Variants in EXD2 observed in about 807,000 individuals in gnomAD.
EXD2 encodes exonuclease 3'-5' domain-containing protein 2.
Under a neutral mutation model 62.5 loss-of-function variants are expected in EXD2, and 40 were observed. That is an observed-to-expected ratio of 0.64 (90% CI 0.50 to 0.83). The LOEUF is 0.83. Ranked by LOEUF, EXD2 falls within the 40% of genes least tolerant of loss-of-function variation. The probability of loss-of-function intolerance (pLI) is 0.00; values close to 1 mark genes in which losing one functional copy is unlikely to be tolerated. For synonymous variants in EXD2, 239 were observed against 291.9 expected (o/e 0.82, Z 1.85); for missense variants, 671 against 761.8 (o/e 0.88, Z 1.40).
At chr14:69,223,253 C>T (rs2043246678) in intron 3 of EXD2, among the ~76,000 whole-genome samples, 1 of 152,166 alleles carries the variant, frequency 6.6e-6, no homozygotes, top group African/African-American at 2.4e-5. Flanking sequence ...GAATGCCAGC[C>T]TTTCATATTC....
At chr14:69,214,927 A>G (rs909989496) in intron 3 of EXD2, among the ~76,000 whole-genome samples, 8 of 151,994 alleles carry the variant, frequency 5.3e-5, no homozygotes, top group African/African-American at 1.9e-4. Context: ...GTTCCATGGT[A>G]TAAATATACC....
rs1011594655 is a variant in EXD2, at chr14:69,238,027, AC to A, written c.1649+97del. 15 of 1,088,980 alleles carry A rather than the reference AC, an allele frequency of 1.4e-5. No individual in the cohort carries two copies. In the African/African-American group the frequency reaches 1.9e-4, roughly 14 times the overall value. 67.5% of individuals were successfully genotyped at this position (1,088,980 alleles called of 1,614,324 possible). A position where few individuals can be genotyped will look rare whatever the true frequency, so the allele number is the denominator to read the frequency against. The stretch of plus-strand genomic sequence containing the variant: ...GGGAGGGGGCATTGGCTGCTTAGGC[AC>A]AGTGCCTAGCCTCATGCTTCACCTA... On this transcript the variant is annotated intron_variant, in intron 9 of 9. Coordinates refer to ENST00000685843, the MANE Select transcript of EXD2 (RefSeq NM_001193360.2).
intron 2 of EXD2, among the ~76,000 whole-genome samples, chr14:69,208,210 A>ATTTTTTTTTTTTT (rs11446992): frequency 8.9e-6 from 1 of 112,582 alleles, no homozygotes; most frequent in Admixed American, 9.9e-5. Context: ...GCCACTTACT[A>ATTTTTTTTTTTTT]TTTTTTTTTT....
chr14:69,209,845 A>AC lies in EXD2; in HGVS notation c.333+43dup, dbSNP rs778963511. The AC allele has an allele frequency of 9.7e-6, 13 of 1,338,438 alleles. No homozygotes were observed. In the East Asian group the frequency reaches 3.1e-4, roughly 32 times the overall value. 82.9% of individuals were successfully genotyped at this position (1,338,438 alleles called of 1,614,324 possible). A position where few individuals can be genotyped will look rare whatever the true frequency, so the allele number is the denominator to read the frequency against. On this transcript the variant is annotated intron_variant, in intron 3 of 9. Transcript: ENST00000685843. ...AAGTTAAAAAAAAAAAAAAAAAACA[A>AC]CTTCTGCTTTTCCAACTGGGACCTT...
intron 3 of EXD2, among the ~76,000 whole-genome samples, chr14:69,215,496 T>G (rs1017074267): frequency 2.0e-5 from 3 of 152,194 alleles, no homozygotes; most frequent in African/African-American, 7.2e-5. Flanking sequence ...GATGCCAAAC[T>G]GTTTACCAAG....
chr14:69,209,466 C>G lies in EXD2; in HGVS notation c.-5C>G, dbSNP rs142795300. The G allele has an allele frequency of 1.5e-5, 23 of 1,493,158 alleles. 1 individual carries two copies. Among genetic ancestry groups the G allele is most frequent in the Middle Eastern group, 1.7e-4 (1 of 5,752 alleles). 92.5% of individuals were successfully genotyped at this position (1,493,158 alleles called of 1,614,324 possible). A position where few individuals can be genotyped will look rare whatever the true frequency, so the allele number is the denominator to read the frequency against. ...ATGCTTTTCTAAAGAGTAGAAAAGT[C>G]GAAGATGTCTAGACAGAACTTAGTG... On this transcript the variant is annotated 5_prime_UTR_variant, in exon 3 of 10. Coordinates refer to ENST00000685843, the MANE Select transcript of EXD2 (RefSeq NM_001193360.2).
At chr14:69,203,644 T>A (rs1387890502) in intron 1 of EXD2, among the ~76,000 whole-genome samples, 1 of 152,220 alleles carries the variant, frequency 6.6e-6, no homozygotes, top group African/African-American at 2.4e-5. Context: ...CTGAAGGTGA[T>A]GAACTCGGTT....
chr14:69,236,425 C>T lies in EXD2; in HGVS notation c.1175C>T (p.Pro392Leu), dbSNP rs1466235174. ...TCTTAAGAGCTGGTGAGTGAAGAGC[C>T]CTTTGTGGTGAAGCTACGGTTTGAA... ...KGIGELVSEE[P>L]FVVKLRFEPA... Residue 392 changes from proline to leucine, a missense_variant, in exon 8 of 10, where the codon CCC becomes CTC. Physicochemically the swap from Pro to Leu is moderately conservative, Grantham distance 98. Coordinates refer to ENST00000685843, the MANE Select transcript of EXD2 (RefSeq NM_001193360.2). 1.2e-6 allele frequency: 2 copies of T among 1,613,862 alleles called. No homozygotes were observed. The highest frequency in any genetic ancestry group is 2.2e-5 in the South Asian group (2 of 91,068).
chr14:69,198,875 G>A (rs1186293752), intron 1 of EXD2, among the ~76,000 whole-genome samples: 1 of 152,230 alleles, frequency 6.6e-6, no homozygotes, highest in Non-Finnish European at 1.5e-5. Context: ...CCTGTAGGCA[G>A]TTGTAACACA....
intron 1 of EXD2, among the ~76,000 whole-genome samples, chr14:69,199,909 G>A (rs897379296): frequency 1.3e-5 from 2 of 152,144 alleles, no homozygotes; most frequent in Non-Finnish European, 2.9e-5. Flanking sequence ...TAACATAGTC[G>A]TTTATTGTCG....
At chr14:69,237,504 C>T (rs2043835618) in intron 8 of EXD2, 71 bp from the exon 9 acceptor site, 1 of 1,429,060 alleles carries the variant, frequency 7.0e-7, no homozygotes, top group African/African-American at 1.4e-5. Context: ...ACCCCAGTAG[C>T]CTGTCTGCTG....
chr14:69,221,396 ATTTC>A (rs1253912215), intron 3 of EXD2, among the ~76,000 whole-genome samples: 2 of 152,138 alleles, frequency 1.3e-5, no homozygotes, highest in Non-Finnish European at 2.9e-5. Context: ...AATATTTTCT[ATTTC>A]TTAATGTCTC....
chr14:69,229,755 G>T (rs546288733), intron 4 of EXD2, among the ~76,000 whole-genome samples: 1 of 152,176 alleles, frequency 6.6e-6, no homozygotes, highest in Middle Eastern at 3.4e-3. Context: ...TTATGTATGG[G>T]TCCTCATTTA....
Position 69,228,812 on chromosome 14 carries a change from G to A in EXD2, c.334-4G>A. The A allele has an allele frequency of 6.2e-7, 1 of 1,608,948 alleles. No individual in the cohort carries two copies. The highest frequency in any genetic ancestry group is 8.5e-7 in the Non-Finnish European group (1 of 1,177,536). On this transcript the variant is annotated splice_polypyrimidine_tract_variant and splice_region_variant and intron_variant, in intron 3 of 9. Coordinates refer to ENST00000685843, the MANE Select transcript of EXD2 (RefSeq NM_001193360.2). ...AACCACAACCTTGTCTTCCTCTGTT[G>A]CAGGTAAATTTGGAAGGCAAAGCCA...
Position 69,243,559 on chromosome 14 carries a change from A to G in EXD2, c.*2459A>G, listed in dbSNP as rs2044034904. The G allele has an allele frequency of 6.6e-6, 1 of 152,124 alleles. No homozygotes were observed. Among genetic ancestry groups the G allele is most frequent in the African/African-American group, 2.4e-5 (1 of 41,420 alleles). 9.4% of individuals were successfully genotyped at this position (152,124 alleles called of 1,614,324 possible). On this transcript the variant is annotated 3_prime_UTR_variant, in exon 10 of 10. Coordinates refer to ENST00000685843, the MANE Select transcript of EXD2 (RefSeq NM_001193360.2). ...GTGGTTCTACCTTATCCATCCCCAC[A>G]CTGTTGAAAATTTTGGTTGTTTCAG... is the stretch of plus-strand genomic sequence containing the variant.
intron 3 of EXD2, chr14:69,210,253 A>G (rs2042763104): frequency 6.4e-6 from 1 of 155,390 alleles, no homozygotes; most frequent in Admixed American, 6.5e-5. Flanking sequence ...TAGCATTTTC[A>G]TAAGGATGCC....
chr14:69,236,512 T>C lies in EXD2; in HGVS notation c.1262T>C (p.Val421Ala). Residue 421 changes from valine to alanine, a missense_variant, in exon 8 of 10, where the codon GTA (valine) becomes GCA (alanine). Transcript: ENST00000685843. ...TTGATGGTTAAAGAGAACCTGTGTG[T>C]AGTGTGTGGCAAGAGAGACTCCTAC... ...YYLMVKENLC[V>A]VCGKRDSYIR... The C allele has an allele frequency of 6.2e-7, 1 of 1,614,140 alleles. No individual in the cohort carries two copies. Among genetic ancestry groups the C allele is most frequent in the Non-Finnish European group, 8.5e-7 (1 of 1,180,010 alleles).
rs2043775927 is a variant in EXD2, at chr14:69,236,138, A to G, written c.1142A>G (p.Asp381Gly). The G allele has an allele frequency of 1.2e-6, 2 of 1,613,778 alleles. No homozygotes were observed. The highest frequency in any genetic ancestry group is 2.7e-5 in the African/African-American group (2 of 74,926). The change falls in exon 7 of 10, where the codon GAC (aspartate) becomes GGC (glycine). Residue 381 changes from aspartate to glycine, a missense_variant. Physicochemically the swap from Asp to Gly is moderately conservative, Grantham distance 94. Coordinates refer to ENST00000685843, the MANE Select transcript of EXD2 (RefSeq NM_001193360.2). Reference protein sequence around the residue: ...CDRRKAQWYLDKGIGELVSEE... With the variant: ...CDRRKAQWYLGKGIGELVSEE... ...AGAAGAAAAGCTCAGTGGTACCTGG[A>G]CAAAGGCATTGGTGGTATGAGATTC... is the stretch of plus-strand genomic sequence containing the variant.
intron 1 of EXD2, among the ~76,000 whole-genome samples, chr14:69,198,967 G>A (rs1049962129): frequency 6.6e-6 from 1 of 152,242 alleles, no homozygotes; most frequent in African/African-American, 2.4e-5. Context: ...CAGTGGGCCG[G>A]GCATGGAGGC....
Sources: allele counts gnomAD v4.1 joint callset (sites outside exome capture counted in the v4.1 genomes callset), GRCh38; gene constraint gnomAD v4.1.1; transcripts MANE v1.5; gene names NCBI Gene and HGNC (gene_info 2026-07-23, HGNC 2026-07-21).